The following MICU2 variants were observed in gnomAD, a reference collection of about 807,000 sequenced individuals.
The protein encoded by MICU2 is calcium uptake protein 2, mitochondrial.
MICU2 carries 64 observed loss-of-function variants against 60.4 expected under a neutral mutation model. That is an observed-to-expected ratio of 1.06 (90% CI 0.87 to 1.31). The LOEUF is 1.31. Ranked by LOEUF, MICU2 falls within the 50% of genes most tolerant of loss-of-function variation. The pLI is 0.00. For synonymous variants in MICU2, 201 were observed against 175.0 expected, an observed-to-expected ratio of 1.15 and a Z score of -1.17; for missense variants, 569 against 531.0, an observed-to-expected ratio of 1.07 and a Z score of -0.70.
At chr13:21,601,039 G>A (rs923693772) in intron 1 of MICU2, among the ~76,000 whole-genome samples, 5 of 151,540 alleles carry the variant, frequency 3.3e-5, no homozygotes, top group South Asian at 4.2e-4. Context: ...CTCGTGATCC[G>A]CCCATCTCGG....
chr13:21,602,547 A>C (rs933572530), intron 1 of MICU2, among the ~76,000 whole-genome samples: 3 of 152,028 alleles, frequency 2.0e-5, no homozygotes, highest in South Asian at 2.1e-4. Context: ...AAAACAAAAA[A>C]CAAACAAAAA....
At chr13:21,507,628 G>A (rs769773115) in intron 8 of MICU2, among the ~76,000 whole-genome samples, 6 of 147,784 alleles carry the variant, frequency 4.1e-5, no homozygotes, top group African/African-American at 1.0e-4. Context: ...TTTTTGAGAC[G>A]AGTCTCACTC....
Position 21,555,111 on chromosome 13 carries a change from T to C in MICU2, c.358+11686A>G, listed in dbSNP as rs1447853643. Among the ~76,000 whole-genome samples, 3 of 152,208 alleles carry C rather than the reference T, an allele frequency of 2.0e-5. No individual in the cohort carries two copies. The South Asian group carries it at 6.2e-4, about 32-fold the overall frequency. ...GAGGTACAAGGAGAAGCTGATACCATTCCTTCTGAAACTATTCCAATCAAT... is the reference window on the plus strand; with the variant it reads ...GAGGTACAAGGAGAAGCTGATACCACTCCTTCTGAAACTATTCCAATCAAT... On this transcript the variant is annotated intron_variant, in intron 2 of 11. Coordinates refer to ENST00000382374, the MANE Select transcript of MICU2 (RefSeq NM_152726.3).
intron 1 of MICU2, among the ~76,000 whole-genome samples, chr13:21,573,754 C>G (rs954528535): frequency 6.6e-6 from 1 of 150,834 alleles, no homozygotes; most frequent in African/African-American, 2.4e-5. Context: ...AAAAAAGACA[C>G]AGTAGAGGAT....
chr13:21,517,801 G>A (rs9509776), intron 6 of MICU2, among the ~76,000 whole-genome samples: 2,669 of 65,778 alleles, frequency 0.041, 82 homozygotes, highest in African/African-American at 0.15. Flanking sequence ...ACACACACAC[G>A]CGCGCGCGCG....
intron 3 of MICU2, 71 bp downstream of exon 3, chr13:21,539,586 C>A: frequency 6.3e-7 from 1 of 1,595,496 alleles, no homozygotes; most frequent in South Asian, 1.1e-5. Flanking sequence ...GTGTGAGCCA[C>A]CGTGCCCGGC....
chr13:21,576,190 T>C (rs114966898), intron 1 of MICU2, among the ~76,000 whole-genome samples: 202 of 152,358 alleles, frequency 1.3e-3, no homozygotes, highest in African/African-American at 4.6e-3. Flanking sequence ...AACAGACTAA[T>C]ATTTTTCAGT....
chr13:21,498,744 C>A (rs777475896), intron 9 of MICU2, among the ~76,000 whole-genome samples: 1 of 151,256 alleles, frequency 6.6e-6, no homozygotes, highest in East Asian at 1.9e-4. Flanking sequence ...ACAATGGGAA[C>A]AATCTCTTCA....
chr13:21,530,816 C>A, intron 4 of MICU2: 2 of 727,598 alleles, frequency 2.7e-6, no homozygotes, highest in Admixed American at 2.1e-5. Flanking sequence ...CGAGGCCAGG[C>A]AAGCCGTGGT....
chr13:21,525,456 G>A (rs1274481778), intron 4 of MICU2, among the ~76,000 whole-genome samples: 1 of 152,004 alleles, frequency 6.6e-6, no homozygotes, highest in Non-Finnish European at 1.5e-5. Flanking sequence ...CTCCCAAAGT[G>A]CTGGGACTAC....
Position 21,516,726 on chromosome 13 carries a change from T to C in MICU2, c.598-2308A>G, listed in dbSNP as rs534592274. Among the ~76,000 whole-genome samples the C allele has an allele frequency of 7.2e-5, 11 of 152,338 alleles. No homozygotes were observed. The South Asian group carries it at 2.1e-3, about 29-fold the overall frequency. On this transcript the variant is annotated intron_variant, in intron 6 of 11. Transcript: ENST00000382374. ...TTCTCTTGAGTGTAGTAGTATGTCA[T>C]TGTGGTTTTAACTTGCATTTCCCTG...
chr13:21,603,963 A>G lies in MICU2; in HGVS notation c.186T>C (p.Asp62=). The change falls in exon 1 of 12, where the codon GAT becomes GAC. Residue 62 remains aspartate, a synonymous_variant. Coordinates refer to ENST00000382374, the MANE Select transcript of MICU2 (RefSeq NM_152726.3). The stretch of plus-strand genomic sequence containing the variant: ...CCTGTGCGGAGACTGTAAAACTGCC[A>G]TCCCGCGCCGCAACACTGACGCGGC... ...HHSRVSVAAR[D]GSFTVSAQKN... is the part of the protein sequence containing the mutation. 1 of 1,612,566 alleles carries G rather than the reference A, an allele frequency of 6.2e-7. No homozygotes were observed. Among genetic ancestry groups the G allele is most frequent in the East Asian group, 2.2e-5 (1 of 44,816 alleles).
intron 4 of MICU2, among the ~76,000 whole-genome samples, chr13:21,535,665 A>G (rs1183742161): frequency 6.6e-6 from 1 of 152,194 alleles, no homozygotes; most frequent in Non-Finnish European, 1.5e-5. Context: ...ATATAGCAAT[A>G]TTACCAATTA....
chr13:21,595,106 T>C (rs1408722037), intron 1 of MICU2, among the ~76,000 whole-genome samples: 2 of 152,236 alleles, frequency 1.3e-5, no homozygotes, highest in African/African-American at 2.4e-5. Context: ...ATCTTTACCC[T>C]GTACCATTAC....
intron 6 of MICU2, among the ~76,000 whole-genome samples, chr13:21,518,017 T>G (rs1886625292): frequency 6.6e-6 from 1 of 152,208 alleles, no homozygotes; most frequent in Non-Finnish European, 1.5e-5. Flanking sequence ...TTTACAAAAG[T>G]GACCTTTATA....
intron 4 of MICU2, among the ~76,000 whole-genome samples, chr13:21,532,121 G>C (rs986181387): frequency 1.3e-5 from 2 of 152,184 alleles, no homozygotes; most frequent in Non-Finnish European, 2.9e-5. Context: ...CGAATGAAGA[G>C]AACACTGATC....
At chr13:21,514,297 A>G (rs1886506502) in intron 7 of MICU2, 56 bp downstream of exon 7, 1 of 1,435,332 alleles carries the variant, frequency 7.0e-7, no homozygotes, top group Admixed American at 2.0e-5. Context: ...TATCTGAACA[A>G]ACAAAATAGA....
In MICU2 at chr13:21,566,813, CATCACTG is replaced by C. The variant is rs1280211496; in HGVS notation, c.335_341del (p.Ser112CysfsTer14). On this transcript the variant is annotated frameshift_variant, in exon 2 of 12. Transcript: ENST00000382374. LOFTEE classifies it high-confidence loss of function. ...CCAACTCACGTTCCATTTGCTCAAA[CATCACTG>C]AGAAGAGGAAGTCTCGTGGTGTCAT... The C allele has an allele frequency of 3.2e-6, 5 of 1,586,316 alleles. No individual in the cohort carries two copies. Among genetic ancestry groups the C allele is most frequent in the Non-Finnish European group, 4.3e-6 (5 of 1,169,068 alleles).
At chr13:21,572,380 G>T (rs1331725840) in intron 1 of MICU2, among the ~76,000 whole-genome samples, 1 of 152,206 alleles carries the variant, frequency 6.6e-6, no homozygotes, top group Non-Finnish European at 1.5e-5. Context: ...GGCAGGTAGG[G>T]GTAAGGCGAA....
Sources: gnomAD v4.1 joint callset for allele counts (sites outside exome capture counted in the v4.1 genomes callset) on GRCh38, gnomAD v4.1.1 for gene constraint, MANE v1.5 for transcripts, NCBI Gene and HGNC (gene_info 2026-07-23, HGNC 2026-07-21) for gene names.